VPS26B: variants seen among roughly 807,000 people sequenced by gnomAD.
VPS26B encodes the protein VPS26 retromer complex component B, also known as vacuolar protein sorting-associated protein 26B.
VPS26B carries 10 observed loss-of-function variants against 33.3 expected under a neutral mutation model. The ratio of observed to expected loss-of-function variants is 0.30; its 90% confidence interval spans 0.19 to 0.51. The LOEUF (loss-of-function observed/expected upper bound fraction) is 0.51, where lower values mean the gene tolerates loss of function less well. Ranked by LOEUF, VPS26B falls within the 20% of genes least tolerant of loss-of-function variation. The pLI is 0.98. For missense variants in VPS26B, 317 were observed against 452.7 expected (o/e 0.70, Z 2.72); for synonymous variants, 190 against 176.9 (o/e 1.07, Z -0.59).
rs182355174 is a variant in VPS26B at position 134,246,077 on chromosome 11, T to C, written c.*487T>C. On this transcript the variant is annotated 3_prime_UTR_variant, in exon 6 of 6. Transcript: ENST00000281187. Reference sequence around the variant, plus strand: ...CCCCCACTAAGTGGCAGGGGAAGACTCACGATTGGGAAGCTACCTCTTTGG... The same window carrying C: ...CCCCCACTAAGTGGCAGGGGAAGACCCACGATTGGGAAGCTACCTCTTTGG... 245 of 154,860 alleles carry C rather than the reference T, an allele frequency of 1.6e-3. No individual in the cohort carries two copies. The highest frequency in any genetic ancestry group is 3.1e-3 in the Non-Finnish European group (215 of 69,680). 9.6% of individuals were successfully genotyped at this position (154,860 alleles called of 1,614,324 possible).
chr11:134,243,386 A>G (rs1304939466), intron 4 of VPS26B, 92 bp downstream of exon 4: 104 of 1,429,686 alleles, frequency 7.3e-5, no homozygotes, highest in Non-Finnish European at 9.5e-5. Context: ...ACACTGTCAA[A>G]ATAAGATGTC....
chr11:134,225,851 G>A (rs1565565999), intron 1 of VPS26B, among the ~76,000 whole-genome samples: 1 of 152,030 alleles, frequency 6.6e-6, no homozygotes, highest in South Asian at 2.1e-4. Context: ...TTTAGATGTG[G>A]TGTGAGAGAG....
intron 2 of VPS26B, among the ~76,000 whole-genome samples, chr11:134,236,161 T>G (rs145288824): frequency 1.3e-5 from 2 of 149,060 alleles, no homozygotes; most frequent in Non-Finnish European, 2.9e-5. Flanking sequence ...AAAAAAAATT[T>G]TTTTAATTTT....
Position 134,240,470 on chromosome 11 carries a change from G to T in VPS26B, c.545+315G>T, listed in dbSNP as rs913507677. Among the ~76,000 whole-genome samples the T allele has an allele frequency of 1.3e-5, 2 of 152,206 alleles. No individual in the cohort carries two copies. The highest frequency in any genetic ancestry group is 4.8e-5 in the African/African-American group (2 of 41,448). Reference sequence around the variant, plus strand: ...TATTTGTTTTGGAATTCCAGCTTCAGCTGTTTCCCGCTACTGCTAAGAACA... The same window carrying T: ...TATTTGTTTTGGAATTCCAGCTTCATCTGTTTCCCGCTACTGCTAAGAACA... On this transcript the variant is annotated intron_variant, in intron 3 of 5. Coordinates refer to ENST00000281187, the MANE Select transcript of VPS26B (RefSeq NM_052875.5). The surrounding 1 kb of genome is among the most constrained non-coding windows in gnomAD (Gnocchi z 4.4).
At chr11:134,228,060 T>C (rs1157412618) in intron 1 of VPS26B, among the ~76,000 whole-genome samples, 3 of 152,260 alleles carry the variant, frequency 2.0e-5, no homozygotes, top group Non-Finnish European at 2.9e-5. Context: ...TTATCCATGG[T>C]TACGTGAGGA....
At chr11:134,241,482 G>T (rs1310394704) in intron 3 of VPS26B, among the ~76,000 whole-genome samples, 2 of 152,206 alleles carry the variant, frequency 1.3e-5, no homozygotes, top group Non-Finnish European at 2.9e-5. Context: ...GGCAAGGTGG[G>T]AGGGAGGCTG....
At chr11:134,237,174 G>T (rs763857040) in intron 2 of VPS26B, among the ~76,000 whole-genome samples, 1 of 152,168 alleles carries the variant, frequency 6.6e-6, no homozygotes, top group Non-Finnish European at 1.5e-5. Context: ...TTGTCTTTAG[G>T]CAGAGAAAAG....
chr11:134,225,227 G>A lies in VPS26B; in HGVS notation c.105G>A (p.Glu35=). 1 of 1,614,174 alleles carries A rather than the reference G, an allele frequency of 6.2e-7. No individual in the cohort carries two copies. ...ACAAGACGGAGGACGGGAAGAAGGA[G>A]AAATATTTCCTCTTCTACGACGGGG... ...AEHKTEDGKK[E]KYFLFYDGET... The change falls in exon 1 of 6, where the codon GAG becomes GAA. Residue 35 remains glutamate (E), a synonymous_variant. Transcript: ENST00000281187.
At chr11:134,237,900 G>A (rs1938656555) in intron 2 of VPS26B, among the ~76,000 whole-genome samples, 1 of 152,190 alleles carries the variant, frequency 6.6e-6, no homozygotes, top group Non-Finnish European at 1.5e-5. Flanking sequence ...CTGAAGAAAG[G>A]AAAAGAAAGT....
At chr11:134,238,383 G>C (rs573097824) in intron 2 of VPS26B, among the ~76,000 whole-genome samples, 5 of 152,264 alleles carry the variant, frequency 3.3e-5, no homozygotes, top group African/African-American at 1.2e-4. Flanking sequence ...TCTTAGTGGA[G>C]TAAAAGTCAG....
chr11:134,245,752 C>A lies in VPS26B; in HGVS notation c.*162C>A. ...CTTAAATTCTTTTCTCTGGAGAACCCAAGGGGCTTGGGGTGGGAAGCAGTC... is the reference window on the plus strand; with the variant it reads ...CTTAAATTCTTTTCTCTGGAGAACCAAAGGGGCTTGGGGTGGGAAGCAGTC... On this transcript the variant is annotated 3_prime_UTR_variant, in exon 6 of 6. Transcript: ENST00000281187. The surrounding 1 kb of genome is among the most constrained non-coding windows in gnomAD (Gnocchi z 4.7). 1.9e-6 allele frequency: 2 copies of A among 1,034,154 alleles called. No homozygotes were observed. Among genetic ancestry groups the A allele is most frequent in the Non-Finnish European group, 1.4e-6 (1 of 733,630 alleles). The allele number at this position is 1,034,154 out of a possible 1,614,324, so 64.1% of individuals were successfully genotyped here. A position where few individuals can be genotyped will look rare whatever the true frequency, so the allele number is the denominator to read the frequency against.
chr11:134,236,240 T>A (rs1004225738), intron 2 of VPS26B: 2 of 152,164 alleles, frequency 1.3e-5, no homozygotes, highest in Non-Finnish European at 2.9e-5. Flanking sequence ...AAAGACAGTG[T>A]CTCATAATCG....
In VPS26B at chr11:134,244,966, G is replaced by C; in HGVS notation, c.750G>C (p.Leu250=). ...AGTCCATCCCGATCCGGCTCTTCCT[G>C]GCCGGGTATGAGCTCACGCCCACCA... is the stretch of plus-strand genomic sequence containing the variant. ...RGESIPIRLF[L]AGYELTPTMR... is the part of the protein sequence containing the mutation. The change falls in exon 5 of 6, where the codon CTG becomes CTC. Residue 250 remains leucine, a synonymous_variant. Coordinates refer to ENST00000281187, the MANE Select transcript of VPS26B (RefSeq NM_052875.5). This position sits in a 1 kb window ranked among gnomAD's most constrained non-coding sequence, Gnocchi z 4.0. The C allele has an allele frequency of 1.9e-6, 3 of 1,613,916 alleles. No individual in the cohort carries two copies. Among genetic ancestry groups the C allele is most frequent in the Non-Finnish European group, 2.5e-6 (3 of 1,180,036 alleles).
At chr11:134,227,189 G>A (rs541547182) in intron 1 of VPS26B, among the ~76,000 whole-genome samples, 6 of 152,220 alleles carry the variant, frequency 3.9e-5, no homozygotes, top group Non-Finnish European at 8.8e-5. Flanking sequence ...CCTCTGGAGG[G>A]TAAAATCATC....
At chr11:134,227,066 C>T (rs1301218695) in intron 1 of VPS26B, among the ~76,000 whole-genome samples, 1 of 152,132 alleles carries the variant, frequency 6.6e-6, no homozygotes, top group Non-Finnish European at 1.5e-5. Flanking sequence ...TGTCTGGCAT[C>T]GTTTGGCATG....
chr11:134,226,544 G>C (rs1426229117), intron 1 of VPS26B, among the ~76,000 whole-genome samples: 1 of 152,206 alleles, frequency 6.6e-6, no homozygotes, highest in Admixed American at 6.5e-5. Context: ...TTATTAAAAT[G>C]CTTGGGTACT....
chr11:134,225,456 C>T, intron 1 of VPS26B, 111 bp downstream of exon 1: 1 of 1,066,066 alleles, frequency 9.4e-7, no homozygotes, highest in East Asian at 2.6e-5. Flanking sequence ...TTGTCAACTG[C>T]AGTCTGAGGC....
intron 1 of VPS26B, among the ~76,000 whole-genome samples, chr11:134,231,408 G>C (rs1480136998): frequency 6.6e-6 from 1 of 152,228 alleles, no homozygotes; most frequent in African/African-American, 2.4e-5. Context: ...CTGGAGCAGA[G>C]CTGCGCCTGG....
At position 134,226,799 on chromosome 11, in the gene VPS26B, A is replaced by AT. The variant is rs1938483455; in HGVS notation, c.223+1454_223+1455insT. 3.3e-5 allele frequency among the ~76,000 whole-genome samples: 5 copies of AT among 152,204 alleles called. No individual in the cohort carries two copies. The South Asian group carries it at 1.0e-3, about 32-fold the overall frequency. On this transcript the variant is annotated intron_variant, in intron 1 of 5. Transcript: ENST00000281187. ...ACACAGGTAGGAGAAACCCTGGGAA[A>AT]AGGAGGCCTTGTGGCCTGGCTCTTG...
Sources: allele counts gnomAD v4.1 joint callset (sites outside exome capture counted in the v4.1 genomes callset), GRCh38; gene constraint gnomAD v4.1.1; non-coding constraint Gnocchi (gnomAD v3.1); transcripts MANE v1.5; gene names NCBI Gene and HGNC (gene_info 2026-07-23, HGNC 2026-07-21).